ANKRD33B: variants seen among roughly 807,000 people sequenced by gnomAD.
ANKRD33B encodes the protein ankyrin repeat domain 33B, also known as ankyrin repeat domain-containing protein 33B.
Under a neutral mutation model 21.5 loss-of-function variants are expected in ANKRD33B, and 6 were observed. That is an observed-to-expected ratio of 0.28 (90% confidence interval 0.15 to 0.55). ANKRD33B has a LOEUF of 0.55. Among genes scored for constraint, ANKRD33B ranks in the 20% least tolerant of loss-of-function variants. The pLI, the probability that ANKRD33B is intolerant of heterozygous loss-of-function variation, is 0.94. For synonymous variants in ANKRD33B, 347 were observed against 342.4 expected (o/e 1.01, Z -0.15); for missense variants, 698 against 747.2 (o/e 0.93, Z 0.77).
chr5:10,625,734 C>T (rs1736532085), intron 2 of ANKRD33B, among the ~76,000 whole-genome samples: 3 of 152,166 alleles, frequency 2.0e-5, no homozygotes, highest in Admixed American at 2.0e-4. Context: ...ATGCATGAAC[C>T]GTGGTATACT....
At chr5:10,608,068 G>A (rs975439266) in intron 1 of ANKRD33B, among the ~76,000 whole-genome samples, 1 of 152,086 alleles carries the variant, frequency 6.6e-6, no homozygotes, top group South Asian at 2.1e-4. Flanking sequence ...GCAACAGCAG[G>A]CTGAGTACGG....
At chr5:10,632,046 G>A (rs919620552) in intron 2 of ANKRD33B, among the ~76,000 whole-genome samples, 7 of 152,106 alleles carry the variant, frequency 4.6e-5, no homozygotes, top group Non-Finnish European at 1.0e-4. Context: ...ATAACGAGGC[G>A]CATTGCCCTT....
At chr5:10,588,534 C>T (rs750947754) in intron 1 of ANKRD33B, among the ~76,000 whole-genome samples, 12 of 152,178 alleles carry the variant, frequency 7.9e-5, no homozygotes, top group Non-Finnish European at 1.5e-4. Context: ...GTAAATGTGC[C>T]TTTCCCTAAG....
At chr5:10,601,397 C>T (rs1057348896) in intron 1 of ANKRD33B, among the ~76,000 whole-genome samples, 2 of 152,200 alleles carry the variant, frequency 1.3e-5, no homozygotes, top group Non-Finnish European at 2.9e-5. Flanking sequence ...GGGACACGGT[C>T]CCTCCACCAT....
chr5:10,639,017 C>G lies in ANKRD33B; in HGVS notation c.637+849C>G, dbSNP rs796647316. ...TGCGCGGCGATGTTAGGCGGTGACGCGGAGTTGCGCGGCGATGTTAGCGGG... is the reference window on the plus strand; with the variant it reads ...TGCGCGGCGATGTTAGGCGGTGACGGGGAGTTGCGCGGCGATGTTAGCGGG... On this transcript the variant is annotated intron_variant, in intron 3 of 3. Coordinates refer to ENST00000296657, the MANE Select transcript of ANKRD33B (RefSeq NM_001164440.2). 3.6e-4 allele frequency among the ~76,000 whole-genome samples: 17 copies of G among 46,676 alleles called. 2 individuals carry two copies. The East Asian group carries it at 8.0e-3, about 22-fold the overall frequency. 30.6% of individuals were successfully genotyped at this position (46,676 alleles called of 152,430 possible).
At chr5:10,648,737 C>T (rs1270842540) in intron 3 of ANKRD33B, among the ~76,000 whole-genome samples, 3 of 151,878 alleles carry the variant, frequency 2.0e-5, no homozygotes, top group Non-Finnish European at 2.9e-5. Flanking sequence ...CCAGCCTGGG[C>T]AACAAGAGTG....
intron 1 of ANKRD33B, among the ~76,000 whole-genome samples, chr5:10,595,883 G>A (rs1735806413): frequency 6.6e-6 from 1 of 152,148 alleles, no homozygotes; most frequent in African/African-American, 2.4e-5. Flanking sequence ...CAGGTGTGAT[G>A]GCCTGAAAAC....
chr5:10,650,587 A>C lies in ANKRD33B; in HGVS notation c.*474A>C, dbSNP rs1737327515. On this transcript the variant is annotated 3_prime_UTR_variant, in exon 4 of 4. Coordinates refer to ENST00000296657, the MANE Select transcript of ANKRD33B (RefSeq NM_001164440.2). ...ATGATACCTGTATGAGTTCACACAG[A>C]CATCATGGGATTCTCCCCTTTTTGG... 6.6e-6 allele frequency: 1 copy of C among 152,456 alleles called. No homozygotes were observed. The highest frequency in any genetic ancestry group is 2.1e-4 in the South Asian group (1 of 4,834). 9.4% of individuals were successfully genotyped at this position (152,456 alleles called of 1,614,324 possible).
At chr5:10,636,180 G>A (rs2126598147) in intron 2 of ANKRD33B, among the ~76,000 whole-genome samples, 1 of 146,428 alleles carries the variant, frequency 6.8e-6, no homozygotes, top group East Asian at 2.0e-4. Flanking sequence ...GGGGAGGGAG[G>A]TGATGCCAAG....
chr5:10,638,228 A>G (rs1156818421), intron 3 of ANKRD33B, 60 bp downstream of exon 3: 4 of 1,507,940 alleles, frequency 2.7e-6, no homozygotes, highest in East Asian at 2.5e-5. Flanking sequence ...TTGCTCCTTT[A>G]TGGAATATGT....
chr5:10,647,714 G>A (rs558075790), intron 3 of ANKRD33B, among the ~76,000 whole-genome samples: 79 of 152,230 alleles, frequency 5.2e-4, no homozygotes, highest in African/African-American at 1.8e-3. Flanking sequence ...AAACTGGTGC[G>A]GTAGGCTCGA....
Position 10,649,339 on chromosome 5 carries a change from G to A in ANKRD33B, c.711G>A (p.Val237=), listed in dbSNP as rs1737265253. 6.5e-7 allele frequency: 1 copy of A among 1,534,974 alleles called. No homozygotes were observed. Residue 237 remains valine (V), a synonymous_variant, in exon 4 of 4, where the codon GTG becomes GTA. Transcript: ENST00000296657. Reference sequence around the variant, plus strand: ...AGTGGGCCACTTACACGGGCCGCGTGGATGCCGTCCGTCTCATGCAGAGGC... The same window carrying A: ...AGTGGGCCACTTACACGGGCCGCGTAGATGCCGTCCGTCTCATGCAGAGGC... ...PQEWATYTGR[V]DAVRLMQRLL...
rs374705596 is a variant in ANKRD33B at position 10,656,444 on chromosome 5, C to CA, written c.*6332dup. The CA allele has an allele frequency of 5.3e-5, 8 of 151,084 alleles. No homozygotes were observed. The highest frequency in any genetic ancestry group is 3.4e-3 in the Middle Eastern group (1 of 294). The allele number at this position is 151,084 out of a possible 1,614,324, so 9.4% of individuals were successfully genotyped here. ...GCGAGCACATGTATGTGTACTCATA[C>CA]ATCCAGATGAACTAAAGGGACACTG... On this transcript the variant is annotated 3_prime_UTR_variant, in exon 4 of 4. Coordinates refer to ENST00000296657, the MANE Select transcript of ANKRD33B (RefSeq NM_001164440.2).
chr5:10,644,574 G>T (rs1737146516), intron 3 of ANKRD33B, among the ~76,000 whole-genome samples: 1 of 152,206 alleles, frequency 6.6e-6, no homozygotes, highest in Non-Finnish European at 1.5e-5. Context: ...GGATTTAAAG[G>T]ACGGCGAGGA....
chr5:10,617,356 C>T (rs748026105), intron 1 of ANKRD33B, among the ~76,000 whole-genome samples: 47 of 152,220 alleles, frequency 3.1e-4, no homozygotes, highest in Non-Finnish European at 4.4e-4. Flanking sequence ...CCCGCTCTGT[C>T]CCACATCCTG....
At chr5:10,636,757 G>A (rs917638926) in intron 2 of ANKRD33B, among the ~76,000 whole-genome samples, 1 of 152,262 alleles carries the variant, frequency 6.6e-6, no homozygotes, top group African/African-American at 2.4e-5. Flanking sequence ...CAGCTCAGGG[G>A]AGGGTGCAGC....
Position 10,564,798 on chromosome 5 carries a change from G to A in ANKRD33B, c.331G>A (p.Val111Ile). ...GACGCTGGTGCGGCGCGGGGTGAGCGTCGAGGAGGCGCAGGAGACTGACCG... is the reference window on the plus strand; with the variant it reads ...GACGCTGGTGCGGCGCGGGGTGAGCATCGAGGAGGCGCAGGAGACTGACCG... ...LRTLVRRGVS[V>I]EEAQETDRNG... The change falls in exon 1 of 4, where the codon GTC becomes ATC. Residue 111 changes from valine (V) to isoleucine (I), a missense_variant. By Grantham distance (29) the Val-to-Ile change is conservative (BLOSUM62 3). Coordinates refer to ENST00000296657, the MANE Select transcript of ANKRD33B (RefSeq NM_001164440.2). The A allele has an allele frequency of 6.6e-7, 1 of 1,522,052 alleles. No homozygotes were observed. Among genetic ancestry groups the A allele is most frequent in the South Asian group, 1.2e-5 (1 of 83,150 alleles). 94.3% of individuals were successfully genotyped at this position (1,522,052 alleles called of 1,614,324 possible).
chr5:10,625,556 G>A (rs903679095), intron 2 of ANKRD33B, among the ~76,000 whole-genome samples: 2 of 152,210 alleles, frequency 1.3e-5, no homozygotes, highest in Admixed American at 1.3e-4. Context: ...CTGCCTTCCT[G>A]CACGGGGATG....
chr5:10,605,622 G>A (rs551049275), intron 1 of ANKRD33B, among the ~76,000 whole-genome samples: 3 of 151,940 alleles, frequency 2.0e-5, no homozygotes, highest in African/African-American at 4.8e-5. Context: ...TCCGCCTCCC[G>A]GGTTCAAGTG....
Sources: gnomAD v4.1 joint callset for allele counts (sites outside exome capture counted in the v4.1 genomes callset) on GRCh38, gnomAD v4.1.1 for gene constraint, MANE v1.5 for transcripts, NCBI Gene and HGNC (gene_info 2026-07-23, HGNC 2026-07-21) for gene names.